Variants in CACNA2D4 observed in about 807,000 individuals in gnomAD.
The protein encoded by CACNA2D4 is voltage-dependent calcium channel subunit alpha-2/delta-4.
In CACNA2D4, 157 loss-of-function variants were observed where a neutral mutation model predicts 163.8. The observed-to-expected ratio is 0.96, with a 90% CI of 0.84 to 1.09. CACNA2D4 has a LOEUF of 1.09. Among genes scored for constraint, CACNA2D4 ranks in the 50% least tolerant of loss-of-function variants. The pLI is 0.00. For missense variants in CACNA2D4, 1,410 were observed against 1,479.9 expected, an observed-to-expected ratio of 0.95 and a Z score of 0.78; for synonymous variants, 598 against 586.9, an observed-to-expected ratio of 1.02 and a Z score of -0.27.
Position 1,793,641 on chromosome 12 carries a change from C to T in CACNA2D4, c.*14G>A, listed in dbSNP as rs1281545647. ...AGGATCACCTTGCCAAAACACAGGT[C>T]AGGCTGGGTGGTGTCACCGCAGGAG... On this transcript the variant is annotated 3_prime_UTR_variant, in exon 38 of 38. Coordinates refer to ENST00000382722, the MANE Select transcript of CACNA2D4 (RefSeq NM_172364.5). 2 of 1,610,328 alleles carry T rather than the reference C, an allele frequency of 1.2e-6. No homozygotes were observed. Among genetic ancestry groups the T allele is most frequent in the Non-Finnish European group, 1.7e-6 (2 of 1,176,822 alleles).
At chr12:1,813,585 T>A (rs1863781400) in intron 26 of CACNA2D4, among the ~76,000 whole-genome samples, 1 of 152,192 alleles carries the variant, frequency 6.6e-6, no homozygotes, top group Non-Finnish European at 1.5e-5. Flanking sequence ...TTTTGGACAG[T>A]GTTGTTCTAG....
At chr12:1,826,687 C>T (rs1864343978) in intron 26 of CACNA2D4, among the ~76,000 whole-genome samples, 2 of 143,706 alleles carry the variant, frequency 1.4e-5, no homozygotes, top group South Asian at 2.2e-4. Flanking sequence ...CACTCCGCTC[C>T]TCAGCAGGCT....
At chr12:1,868,307 C>T (rs565033941) in intron 18 of CACNA2D4, among the ~76,000 whole-genome samples, 6 of 152,060 alleles carry the variant, frequency 3.9e-5, no homozygotes, top group Admixed American at 6.6e-5. Flanking sequence ...CCATTTGCTA[C>T]AACATGGATG....
At chr12:1,899,945 A>G (rs1866497840) in intron 6 of CACNA2D4, among the ~76,000 whole-genome samples, 1 of 152,194 alleles carries the variant, frequency 6.6e-6, no homozygotes, top group South Asian at 2.1e-4. Flanking sequence ...GGTTTCTCAT[A>G]GGAATGCAAG....
At chr12:1,817,486 C>T (rs1863915370) in intron 26 of CACNA2D4, among the ~76,000 whole-genome samples, 1 of 152,146 alleles carries the variant, frequency 6.6e-6, no homozygotes, top group Non-Finnish European at 1.5e-5. Flanking sequence ...TCCCCTCTCC[C>T]CACGGTCTCC....
In CACNA2D4 at chr12:1,802,396, TC is replaced by T. The variant is rs1863370380; in HGVS notation, c.2722-753del. ...CCAAAAAATAAAACAGGACCCTCCC[TC>T]CTGCCCCCGGCTCCCCTTTTGTTGT... On this transcript the variant is annotated intron_variant, in intron 29 of 37. Coordinates refer to ENST00000382722, the MANE Select transcript of CACNA2D4 (RefSeq NM_172364.5). This position sits in a 1 kb window ranked among gnomAD's most constrained non-coding sequence, Gnocchi z 4.7. 1.3e-5 allele frequency among the ~76,000 whole-genome samples: 2 copies of T among 152,282 alleles called. No individual in the cohort carries two copies. The highest frequency in any genetic ancestry group is 4.1e-4 in the South Asian group (2 of 4,830).
chr12:1,878,479 C>A lies in CACNA2D4; in HGVS notation c.1645-90G>T. On this transcript the variant is annotated intron_variant, in intron 15 of 37. Coordinates refer to ENST00000382722, the MANE Select transcript of CACNA2D4 (RefSeq NM_172364.5). The surrounding 1 kb of genome is among the most constrained non-coding windows in gnomAD (Gnocchi z 4.6). Reference sequence around the variant, plus strand: ...AGGGGTTTGGGGGCCACAGGACGGTCAAAGATGGCAGCTCACAGCAGTGAG... The same window carrying A: ...AGGGGTTTGGGGGCCACAGGACGGTAAAAGATGGCAGCTCACAGCAGTGAG... 6.5e-7 allele frequency: 1 copy of A among 1,549,154 alleles called. No homozygotes were observed. Among genetic ancestry groups the A allele is most frequent in the South Asian group, 1.2e-5 (1 of 83,852 alleles).
At chr12:1,864,860 G>T (rs957770503) in intron 18 of CACNA2D4, among the ~76,000 whole-genome samples, 1 of 152,240 alleles carries the variant, frequency 6.6e-6, no homozygotes, top group African/African-American at 2.4e-5. Context: ...CTTTAAAAGT[G>T]GGGTCTCTGG....
chr12:1,855,927 C>T, intron 22 of CACNA2D4, 85 bp downstream of exon 22: 1 of 999,110 alleles, frequency 1.0e-6, no homozygotes, highest in Non-Finnish European at 1.6e-6. Flanking sequence ...AGCAGCCTCC[C>T]CCTGCCTTCC....
chr12:1,884,819 G>A lies in CACNA2D4; in HGVS notation c.1221C>T (p.Ala407=), dbSNP rs748393407. 2.8e-5 allele frequency: 45 copies of A among 1,613,520 alleles called. No homozygotes were observed. Among genetic ancestry groups the A allele is most frequent in the Middle Eastern group, 1.6e-4 (1 of 6,084 alleles). ...NQAIMLISDG[A]VEDYEPVFEK... ...CAAACACCGGCTCGTAGTCCTCCAC[G>A]GCGCCGTCGCTGATGAGCATGATGG... Residue 407 remains alanine (A), a synonymous_variant, in exon 11 of 38, where the codon GCC becomes GCT. Transcript: ENST00000382722.
rs1200912471 is a variant in CACNA2D4, at chr12:1,829,816, A to G, written c.2551+10923T>C. 6.6e-6 allele frequency among the ~76,000 whole-genome samples: 1 copy of G among 151,762 alleles called. No homozygotes were observed. Among genetic ancestry groups the G allele is most frequent in the Non-Finnish European group, 1.5e-5 (1 of 67,928 alleles). On this transcript the variant is annotated intron_variant, in intron 26 of 37. Coordinates refer to ENST00000382722, the MANE Select transcript of CACNA2D4 (RefSeq NM_172364.5). The surrounding 1 kb of genome is among the most constrained non-coding windows in gnomAD (Gnocchi z 4.2). ...GGGGTCTTTTCTCTAGGCTGGGTGG[A>G]ACTGACCTCGGCTGGGCTGACCTGG...
chr12:1,915,447 G>T (rs1483228698), intron 1 of CACNA2D4, among the ~76,000 whole-genome samples: 1 of 152,198 alleles, frequency 6.6e-6, no homozygotes, highest in Non-Finnish European at 1.5e-5. Flanking sequence ...CAGGGCCGGA[G>T]GACCCTGAGG....
chr12:1,813,423 C>T (rs1229266983), intron 26 of CACNA2D4, among the ~76,000 whole-genome samples: 1 of 152,218 alleles, frequency 6.6e-6, no homozygotes, highest in Non-Finnish European at 1.5e-5. Flanking sequence ...TGAAGATGGC[C>T]TACATCTGTG....
At chr12:1,912,975 G>T (rs764867713) in intron 3 of CACNA2D4, 48 bp downstream of exon 3, 3 of 1,235,240 alleles carry the variant, frequency 2.4e-6, no homozygotes, top group Non-Finnish European at 3.6e-6. Context: ...TGCCACCTGC[G>T]TCATGGGGCT....
intron 24 of CACNA2D4, among the ~76,000 whole-genome samples, chr12:1,845,474 G>T (rs934737899): frequency 6.6e-6 from 1 of 152,222 alleles, no homozygotes; most frequent in Non-Finnish European, 1.5e-5. Context: ...CTTAGCAAGT[G>T]TGGATTTGTC....
intron 26 of CACNA2D4, chr12:1,823,239 C>G (rs1283460925): frequency 2.0e-5 from 3 of 152,400 alleles, no homozygotes; most frequent in Non-Finnish European, 4.4e-5. Flanking sequence ...TAGACATGCG[C>G]AGAAGCCTGA....
Position 1,883,084 on chromosome 12 carries a change from A to G in CACNA2D4, c.1352-84T>C. Reference sequence around the variant, plus strand: ...CAGGGCCTGCACCCTCCCCAGCTGCAGATGGCTCATAGCCGAATACTCTCT... The same window carrying G: ...CAGGGCCTGCACCCTCCCCAGCTGCGGATGGCTCATAGCCGAATACTCTCT... On this transcript the variant is annotated intron_variant, in intron 12 of 37. Coordinates refer to ENST00000382722, the MANE Select transcript of CACNA2D4 (RefSeq NM_172364.5). The surrounding 1 kb of genome is among the most constrained non-coding windows in gnomAD (Gnocchi z 4.5). The G allele has an allele frequency of 7.0e-7, 1 of 1,432,862 alleles. No individual in the cohort carries two copies. The highest frequency in any genetic ancestry group is 1.4e-5 in the African/African-American group (1 of 71,242). 88.8% of individuals were successfully genotyped at this position (1,432,862 alleles called of 1,614,324 possible). A position where few individuals can be genotyped will look rare whatever the true frequency, so the allele number is the denominator to read the frequency against.
At chr12:1,879,959 G>C in intron 13 of CACNA2D4, 78 bp from the exon 14 acceptor site, 2 of 908,944 alleles carry the variant, frequency 2.2e-6, no homozygotes, top group Non-Finnish European at 3.4e-6. Context: ...CACCCAGTGC[G>C]GAGAACCCAC....
At chr12:1,822,972 G>A (rs1019607403) in intron 26 of CACNA2D4, among the ~76,000 whole-genome samples, 3 of 152,210 alleles carry the variant, frequency 2.0e-5, no homozygotes, top group African/African-American at 7.2e-5. Flanking sequence ...CCCAGGGTGT[G>A]GGCCCAGTCG....
Sources: allele counts gnomAD v4.1 joint callset (sites outside exome capture counted in the v4.1 genomes callset), GRCh38; gene constraint gnomAD v4.1.1; non-coding constraint Gnocchi (gnomAD v3.1); transcripts MANE v1.5; gene names NCBI Gene and HGNC (gene_info 2026-07-23, HGNC 2026-07-21).